The following PTPRD variants were observed in gnomAD, a reference collection of about 807,000 sequenced individuals.
PTPRD encodes protein tyrosine phosphatase receptor type D.
In PTPRD, 34 loss-of-function variants were observed where a neutral mutation model predicts 214.5. The observed-to-expected ratio is 0.16, with a 90% CI of 0.12 to 0.21. The LOEUF (loss-of-function observed/expected upper bound fraction) is 0.21. Ranked by LOEUF, PTPRD falls within the 10% of genes least tolerant of loss-of-function variation. PTPRD has a pLI of 1.00. For missense variants in PTPRD, 2,545 were observed against 2,398.7 expected (o/e 1.06, Z -1.27); for synonymous variants, 1,128 against 845.7 (o/e 1.33, Z -5.79).
intron 5 of PTPRD, among the ~76,000 whole-genome samples, chr9:9,807,786 T>C (rs1169372766): frequency 1.3e-5 from 2 of 152,218 alleles, no homozygotes; most frequent in East Asian, 1.9e-4. Context: ...CTACTCATGA[T>C]GCTAACATCA....
chr9:10,343,743 T>C (rs1258459893), intron 2 of PTPRD, among the ~76,000 whole-genome samples: 1 of 139,570 alleles, frequency 7.2e-6, no homozygotes, highest in Non-Finnish European at 1.5e-5. Flanking sequence ...ATGAGCATTA[T>C]TTTCATGTGT....
chr9:10,062,666 G>C, intron 3 of PTPRD, among the ~76,000 whole-genome samples: 1 of 152,044 alleles, frequency 6.6e-6, no homozygotes. Flanking sequence ...TTAAGTAGCC[G>C]ATAGCACTTA....
chr9:8,822,585 A>C (rs1191782954), intron 11 of PTPRD, among the ~76,000 whole-genome samples: 1 of 152,202 alleles, frequency 6.6e-6, no homozygotes, highest in East Asian at 1.9e-4. Context: ...GAGATAAAGT[A>C]ATTATGGAAG....
chr9:9,702,469 C>A (rs2097524695), intron 7 of PTPRD, among the ~76,000 whole-genome samples: 1 of 152,084 alleles, frequency 6.6e-6, no homozygotes, highest in Non-Finnish European at 1.5e-5. Context: ...CGTTTGATGG[C>A]TGGAGGTACC....
At chr9:9,922,303 A>T (rs1401568012) in intron 5 of PTPRD, among the ~76,000 whole-genome samples, 1 of 152,132 alleles carries the variant, frequency 6.6e-6, no homozygotes, top group Non-Finnish European at 1.5e-5. Flanking sequence ...TTGAATCCGA[A>T]GTATACTATT....
chr9:10,417,285 T>C (rs1248546456), intron 2 of PTPRD, among the ~76,000 whole-genome samples: 1 of 151,882 alleles, frequency 6.6e-6, no homozygotes, highest in Admixed American at 6.6e-5. Context: ...CCTGTGTACC[T>C]TCTTCCAATG....
At chr9:10,265,289 T>C (rs567409884) in intron 3 of PTPRD, among the ~76,000 whole-genome samples, 2 of 152,256 alleles carry the variant, frequency 1.3e-5, no homozygotes, top group African/African-American at 2.4e-5. Context: ...GGCTAGCCTG[T>C]ACAAAACATA....
chr9:9,306,402 A>G (rs536203526), intron 9 of PTPRD, among the ~76,000 whole-genome samples: 3 of 151,804 alleles, frequency 2.0e-5, no homozygotes, highest in East Asian at 3.9e-4. Flanking sequence ...CGTCTCTACT[A>G]AAAATAAAAA....
intron 9 of PTPRD, among the ~76,000 whole-genome samples, chr9:9,278,820 ATAT>A (rs1232458105): frequency 6.6e-6 from 1 of 151,270 alleles, no homozygotes; most frequent in Non-Finnish European, 1.5e-5. Context: ...GGTATATCTA[ATAT>A]TGTGTTTTTT....
At chr9:9,281,303 T>C (rs1947609662) in intron 9 of PTPRD, among the ~76,000 whole-genome samples, 2 of 150,826 alleles carry the variant, frequency 1.3e-5, no homozygotes, top group South Asian at 4.1e-4. Flanking sequence ...CCCAAAAGAA[T>C]GAGAAGACAA....
chr9:8,437,054 T>G, intron 34 of PTPRD: 2 of 646,728 alleles, frequency 3.1e-6, no homozygotes, highest in Non-Finnish European at 5.2e-6. Flanking sequence ...CTCCTTCTCC[T>G]GCACTGTGTG....
chr9:9,639,313 G>T (rs1351235096), intron 7 of PTPRD, among the ~76,000 whole-genome samples: 1 of 152,084 alleles, frequency 6.6e-6, no homozygotes, highest in East Asian at 1.9e-4. Flanking sequence ...TATAGTTTGT[G>T]TTTATTAAAT....
At chr9:10,525,212 C>A (rs528322985) in intron 2 of PTPRD, among the ~76,000 whole-genome samples, 84 of 152,052 alleles carry the variant, frequency 5.5e-4, no homozygotes, top group Non-Finnish European at 9.4e-4. Context: ...ATATGAAATT[C>A]ATAAATATTT....
chr9:10,103,968 G>A lies in PTPRD; in HGVS notation c.-544-70178C>T, dbSNP rs753579974. 2.6e-4 allele frequency among the ~76,000 whole-genome samples: 40 copies of A among 151,724 alleles called. 1 individual carries two copies. Among genetic ancestry groups the A allele is most frequent in the Non-Finnish European group, 4.7e-4 (32 of 67,794 alleles). On this transcript the variant is annotated intron_variant, in intron 3 of 45. Transcript: ENST00000381196. ...ATAAAATGTGGTATATCCATACAAC[G>A]GAAAATCATTCCACCTTAGAAAGGA...
At chr9:9,624,446 C>G (rs754128955) in intron 7 of PTPRD, among the ~76,000 whole-genome samples, 38 of 151,646 alleles carry the variant, frequency 2.5e-4, no homozygotes, top group Non-Finnish European at 4.1e-4. Flanking sequence ...CCATGTCTGG[C>G]TAATTTTTTT....
chr9:8,558,966 A>T (rs2085076577), intron 14 of PTPRD, among the ~76,000 whole-genome samples: 1 of 152,238 alleles, frequency 6.6e-6, no homozygotes, highest in Non-Finnish European at 1.5e-5. Flanking sequence ...ACTCAAAATA[A>T]TAATATTCAC....
At chr9:8,497,910 C>A (rs1256300532) in intron 25 of PTPRD, among the ~76,000 whole-genome samples, 1 of 152,190 alleles carries the variant, frequency 6.6e-6, no homozygotes, top group South Asian at 2.1e-4. Flanking sequence ...AAGGAGAACA[C>A]CAAAGCACAC....
intron 10 of PTPRD, among the ~76,000 whole-genome samples, chr9:9,060,541 A>G (rs1461943682): frequency 1.3e-5 from 2 of 152,140 alleles, no homozygotes; most frequent in African/African-American, 2.4e-5. Flanking sequence ...CTTCTGTTCA[A>G]TGAAAGAAAC....
At chr9:9,565,245 C>G (rs2084149626) in intron 8 of PTPRD, among the ~76,000 whole-genome samples, 1 of 151,830 alleles carries the variant, frequency 6.6e-6, no homozygotes, top group African/African-American at 2.4e-5. Flanking sequence ...TTTAAGCTCA[C>G]TAAACTCTTG....
Sources: allele counts gnomAD v4.1 joint callset (sites outside exome capture counted in the v4.1 genomes callset), GRCh38; gene constraint gnomAD v4.1.1; transcripts MANE v1.5; gene names NCBI Gene and HGNC (gene_info 2026-07-23, HGNC 2026-07-21).